Variants in CARMIL1 observed in about 807,000 individuals in gnomAD.
CARMIL1 encodes capping protein regulator and myosin 1 linker 1.
CARMIL1 carries 90 observed loss-of-function variants against 177.1 expected under a neutral mutation model. The ratio of observed to expected loss-of-function variants is 0.51; its 90% confidence interval spans 0.43 to 0.61. The LOEUF is 0.61. Ranked by LOEUF, CARMIL1 falls within the 20% of genes least tolerant of loss-of-function variation. The pLI, the probability that CARMIL1 is intolerant of heterozygous loss-of-function variation, is 0.00. For missense variants in CARMIL1, 1,380 were observed against 1,667.0 expected, an observed-to-expected ratio of 0.83 and a Z score of 3.00; for synonymous variants, 577 against 606.2, an observed-to-expected ratio of 0.95 and a Z score of 0.71.
rs1284884939 is a variant in CARMIL1, at chr6:25,471,166, C to T, written c.691-3C>T. 4 of 1,587,330 alleles carry T rather than the reference C, an allele frequency of 2.5e-6. No homozygotes were observed. The highest frequency in any genetic ancestry group is 2.3e-5 in the East Asian group (1 of 44,438). On this transcript the variant is annotated splice_region_variant and splice_polypyrimidine_tract_variant and intron_variant, in intron 9 of 36. Transcript: ENST00000329474. ...AATAGTCAAAGAATGTTTTCTGTTA[C>T]AGTCCACTGATGTCTGTGAACAGAT...
chr6:25,449,787 A>G (rs2150841923), intron 5 of CARMIL1, 111 bp from the exon 6 acceptor site: 2 of 597,814 alleles, frequency 3.3e-6, no homozygotes, highest in Non-Finnish European at 5.8e-6. Flanking sequence ...AAAAACTGAA[A>G]TTGAAGTGAC....
intron 2 of CARMIL1, among the ~76,000 whole-genome samples, chr6:25,308,680 AT>A (rs5875026): frequency 0.024 from 3,592 of 149,318 alleles, 60 homozygotes; most frequent in Non-Finnish European, 0.039. Context: ...TGTTCCGGCC[AT>A]TTTTTTTTTT....
At chr6:25,516,472 A>G (rs1458665927) in intron 21 of CARMIL1, among the ~76,000 whole-genome samples, 1 of 152,184 alleles carries the variant, frequency 6.6e-6, no homozygotes, top group Admixed American at 6.5e-5. Flanking sequence ...GTTAATTCAC[A>G]TTGCTCCTCA....
chr6:25,470,212 C>G (rs1800979871), intron 9 of CARMIL1, among the ~76,000 whole-genome samples: 1 of 152,116 alleles, frequency 6.6e-6, no homozygotes, highest in African/African-American at 2.4e-5. Context: ...TAGGAACATC[C>G]TAATACCAGT....
chr6:25,299,302 C>G (rs543282139), intron 2 of CARMIL1, among the ~76,000 whole-genome samples: 1 of 151,460 alleles, frequency 6.6e-6, no homozygotes, highest in African/African-American at 2.4e-5. Flanking sequence ...TCCTGAATAG[C>G]TGGGATTACA....
chr6:25,388,935 G>A (rs994392745), intron 2 of CARMIL1, among the ~76,000 whole-genome samples: 6 of 151,412 alleles, frequency 4.0e-5, no homozygotes, highest in Admixed American at 2.0e-4. Context: ...TTCCTGTGTC[G>A]GCCTCCAAAA....
At chr6:25,404,320 G>A (rs1047963428) in intron 2 of CARMIL1, among the ~76,000 whole-genome samples, 3 of 152,244 alleles carry the variant, frequency 2.0e-5, no homozygotes, top group Non-Finnish European at 4.4e-5. Context: ...CACCATGCCA[G>A]CATTCTCAAT....
chr6:25,395,153 T>C (rs1793259165), intron 2 of CARMIL1, among the ~76,000 whole-genome samples: 1 of 152,210 alleles, frequency 6.6e-6, no homozygotes, highest in South Asian at 2.1e-4. Context: ...GCTTACATCA[T>C]TGTAAGCATG....
chr6:25,424,038 A>G (rs1796086063), intron 3 of CARMIL1, among the ~76,000 whole-genome samples: 1 of 152,052 alleles, frequency 6.6e-6, no homozygotes, highest in Non-Finnish European at 1.5e-5. Context: ...GGAGAGAATG[A>G]TTTGAACCTT....
At chr6:25,389,985 G>A (rs1792587105) in intron 2 of CARMIL1, among the ~76,000 whole-genome samples, 1 of 151,896 alleles carries the variant, frequency 6.6e-6, no homozygotes, top group African/African-American at 2.4e-5. Flanking sequence ...CAATTGCCTA[G>A]TTTAAAAAAA....
intron 24 of CARMIL1, among the ~76,000 whole-genome samples, chr6:25,535,467 C>A (rs984289685): frequency 3.9e-5 from 6 of 152,128 alleles, no homozygotes; most frequent in Admixed American, 1.3e-4. Context: ...CAGATTAAGA[C>A]TCAAAACCTT....
chr6:25,545,637 G>C (rs750654729), intron 26 of CARMIL1, among the ~76,000 whole-genome samples: 11 of 152,098 alleles, frequency 7.2e-5, no homozygotes, highest in Middle Eastern at 6.8e-3. Context: ...ATTTTTTTCA[G>C]GTGTCCATGG....
chr6:25,326,684 G>A lies in CARMIL1; in HGVS notation c.138+41775G>A, dbSNP rs1785135021. On this transcript the variant is annotated intron_variant, in intron 2 of 36. Coordinates refer to ENST00000329474, the MANE Select transcript of CARMIL1 (RefSeq NM_017640.6). This position sits in a 1 kb window ranked among gnomAD's most constrained non-coding sequence, Gnocchi z 4.2. ...TTTGGATGATCTGATATACAGAAAA[G>A]TTTGAGAACCACTGGTCTAGGGATT... Among the ~76,000 whole-genome samples the A allele has an allele frequency of 6.6e-6, 1 of 152,184 alleles. No individual in the cohort carries two copies. The highest frequency in any genetic ancestry group is 2.1e-4 in the South Asian group (1 of 4,834).
chr6:25,336,129 C>A (rs1786200139), intron 2 of CARMIL1, among the ~76,000 whole-genome samples: 1 of 152,100 alleles, frequency 6.6e-6, no homozygotes, highest in Non-Finnish European at 1.5e-5. Flanking sequence ...ACTTTAATGT[C>A]TCCCCCAACC....
intron 29 of CARMIL1, among the ~76,000 whole-genome samples, chr6:25,573,128 C>G (rs1023668997): frequency 6.6e-6 from 1 of 152,070 alleles, no homozygotes; most frequent in Non-Finnish European, 1.5e-5. Flanking sequence ...ATTTTGTCTT[C>G]CCCAGGGATG....
chr6:25,428,318 T>C (rs1482209004), intron 4 of CARMIL1, among the ~76,000 whole-genome samples: 1 of 152,208 alleles, frequency 6.6e-6, no homozygotes, highest in Non-Finnish European at 1.5e-5. Flanking sequence ...TGTTTTCACC[T>C]TTGTTGAAAT....
intron 33 of CARMIL1, among the ~76,000 whole-genome samples, chr6:25,603,185 G>C (rs964259924): frequency 1.3e-5 from 2 of 152,224 alleles, no homozygotes; most frequent in African/African-American, 4.8e-5. Flanking sequence ...GAACCTGAAA[G>C]GGAAGGATGT....
At position 25,558,316 on chromosome 6, in the gene CARMIL1, A is replaced by G. The variant is rs1810807977; in HGVS notation, c.2742+1466A>G. On this transcript the variant is annotated intron_variant, in intron 29 of 36. Transcript: ENST00000329474. This position sits in a 1 kb window ranked among gnomAD's most constrained non-coding sequence, Gnocchi z 4.1. Reference sequence around the variant, plus strand: ...AGGAAAAAACAAGCTAGTAAAATGTATTTTATTAGGTTTATAGATGATGTG... The same window carrying G: ...AGGAAAAAACAAGCTAGTAAAATGTGTTTTATTAGGTTTATAGATGATGTG... Among the ~76,000 whole-genome samples the G allele has an allele frequency of 2.0e-5, 3 of 152,350 alleles. No homozygotes were observed. The South Asian group carries it at 6.2e-4, about 32-fold the overall frequency.
intron 2 of CARMIL1, among the ~76,000 whole-genome samples, chr6:25,298,390 G>A (rs1782595661): frequency 6.6e-6 from 1 of 152,214 alleles, no homozygotes; most frequent in African/African-American, 2.4e-5. Flanking sequence ...AGTACAGACT[G>A]TCTACAGAAA....
Sources: gnomAD v4.1 joint callset for allele counts (sites outside exome capture counted in the v4.1 genomes callset) on GRCh38, gnomAD v4.1.1 for gene constraint, Gnocchi (gnomAD v3.1) non-coding constraint, MANE v1.5 for transcripts, NCBI Gene and HGNC (gene_info 2026-07-23, HGNC 2026-07-21) for gene names.